The following PSMF1 variants were observed in gnomAD, a reference collection of about 807,000 sequenced individuals.
The protein encoded by PSMF1 is proteasome inhibitor PI31 subunit.
Under a neutral mutation model 29.3 loss-of-function variants are expected in PSMF1, and 30 were observed. The observed-to-expected ratio is 1.02, with a 90% confidence interval of 0.77 to 1.39. The LOEUF (loss-of-function observed/expected upper bound fraction) is 1.39, where lower values mean the gene tolerates loss of function less well. PSMF1 is among the 40% of genes most tolerant of loss of function. PSMF1 has a pLI of 0.00. For missense variants in PSMF1, 344 were observed against 357.5 expected, an observed-to-expected ratio of 0.96 and a Z score of 0.31; for synonymous variants, 134 against 139.7, an observed-to-expected ratio of 0.96 and a Z score of 0.29.
At chr20:1,115,369 GCTGT>G (rs1364617650), upstream of PSMF1, among the ~76,000 whole-genome samples, 2 of 152,208 alleles carry the variant, frequency 1.3e-5, no homozygotes, top group African/African-American at 4.8e-5. Flanking sequence ...GGGTGACGGA[GCTGT>G]CTGCCCTGGT....
At position 1,118,812 on chromosome 20, in the gene PSMF1, G is replaced by T; in HGVS notation, c.39G>T (p.Pro13=). 3 of 1,613,592 alleles carry T rather than the reference G, an allele frequency of 1.9e-6. No individual in the cohort carries two copies. Among genetic ancestry groups the T allele is most frequent in the Non-Finnish European group, 2.5e-6 (3 of 1,179,716 alleles). ...GLEVLFASAA[P]AITCRQDALV... ...AGGTACTGTTCGCATCGGCAGCGCCGGCCATCACCTGCAGGCAGGACGCGC... is the reference window on the plus strand; with the variant it reads ...AGGTACTGTTCGCATCGGCAGCGCCTGCCATCACCTGCAGGCAGGACGCGC... Residue 13 remains proline, a synonymous_variant, in exon 1 of 7, where the codon CCG becomes CCT. Coordinates refer to ENST00000335877, the MANE Select transcript of PSMF1 (RefSeq NM_006814.5).
intron 2 of PSMF1, 116 bp downstream of exon 2, chr20:1,125,766 G>C: frequency 7.4e-7 from 1 of 1,346,950 alleles, no homozygotes; most frequent in Non-Finnish European, 1.0e-6. Flanking sequence ...CTTACCTAGT[G>C]ATCCCACTTC....
At chr20:1,133,620 A>C (rs1241190814) in intron 3 of PSMF1, among the ~76,000 whole-genome samples, 1 of 121,224 alleles carries the variant, frequency 8.2e-6, no homozygotes, top group Non-Finnish European at 1.7e-5. Context: ...TACCAGAGTA[A>C]TACTGGTCTC....
At chr20:1,148,895 T>C (rs2086490070) in intron 4 of PSMF1, among the ~76,000 whole-genome samples, 1 of 152,230 alleles carries the variant, frequency 6.6e-6, no homozygotes, top group African/African-American at 2.4e-5. Flanking sequence ...TGTAGCAATA[T>C]TTACTGCATT....
In PSMF1 at chr20:1,171,967, G is replaced by A. The variant is rs755235808; in HGVS notation, c.*6887G>A. ...TGGCCCAGGGGCCCTTGGCCATGGT[G>A]GCCTTGGACAAGTTTGGCTTTCCCC... On this transcript the variant is annotated 3_prime_UTR_variant, in exon 7 of 7. Coordinates refer to ENST00000335877, the MANE Select transcript of PSMF1 (RefSeq NM_006814.5). Among the ~76,000 whole-genome samples, 3 of 152,232 alleles carry A rather than the reference G, an allele frequency of 2.0e-5. No individual in the cohort carries two copies. Among genetic ancestry groups the A allele is most frequent in the Non-Finnish European group, 4.4e-5 (3 of 68,034 alleles).
At chr20:1,134,965 G>A (rs190925164) in intron 3 of PSMF1, 156 bp from the exon 4 acceptor site, 1 of 750,834 alleles carries the variant, frequency 1.3e-6, no homozygotes, top group Middle Eastern at 2.2e-4. Context: ...CCCTCACCCA[G>A]GTCCAGCAGG....
intron 1 of PSMF1, among the ~76,000 whole-genome samples, chr20:1,121,435 A>G (rs2086086281): frequency 6.6e-6 from 1 of 152,060 alleles, no homozygotes; most frequent in African/African-American, 2.4e-5. Context: ...CTCAGGTTGC[A>G]CTTGTCCTTC....
chr20:1,146,275 A>C (rs962609510), intron 4 of PSMF1, among the ~76,000 whole-genome samples: 2 of 151,624 alleles, frequency 1.3e-5, no homozygotes, highest in African/African-American at 2.4e-5. Context: ...ATGTGTCTGA[A>C]TTACTACGTA....
chr20:1,153,744 C>A (rs976485489), intron 4 of PSMF1, among the ~76,000 whole-genome samples: 2 of 152,144 alleles, frequency 1.3e-5, no homozygotes, highest in African/African-American at 4.8e-5. Flanking sequence ...TCAACTCAGT[C>A]TAAAATCTTA....
intron 4 of PSMF1, among the ~76,000 whole-genome samples, chr20:1,162,921 A>G (rs1054840433): frequency 3.3e-5 from 5 of 152,124 alleles, no homozygotes; most frequent in African/African-American, 1.2e-4. Flanking sequence ...ATTTTAATCT[A>G]TGTTTTTAGG....
rs778112172 is a variant in PSMF1, at chr20:1,127,436, C to T, written c.293C>T (p.Ser98Leu). 15 of 1,603,720 alleles carry T rather than the reference C, an allele frequency of 9.4e-6. No individual in the cohort carries two copies. The South Asian group carries it at 1.4e-4, about 15-fold the overall frequency. The change falls in exon 3 of 7, where the codon TCA becomes TTA. Residue 98 changes from serine (S) to leucine (L), a missense_variant. Physicochemically the swap from Ser to Leu is moderately radical, Grantham distance 145. Transcript: ENST00000335877. ...TTTTCACCCATCTAGGAATATGGCT[C>T]ACAGCAAGTGGCAGACTTGACCCTG... ...SMILNVLEYG[S>L]QQVADLTLNL...
chr20:1,138,946 C>T (rs1175302162), intron 4 of PSMF1, among the ~76,000 whole-genome samples: 1 of 152,168 alleles, frequency 6.6e-6, no homozygotes, highest in African/African-American at 2.4e-5. Context: ...GAGGCCAAGG[C>T]AGGTGGATTA....
At chr20:1,125,821 C>G (rs965233153) in intron 2 of PSMF1, 171 bp downstream of exon 2, 1 of 901,604 alleles carries the variant, frequency 1.1e-6, no homozygotes, top group Non-Finnish European at 1.8e-6. Flanking sequence ...AGAAAACCTT[C>G]GTGCACAAAG....
chr20:1,161,105 G>C, intron 4 of PSMF1: 2 of 464,726 alleles, frequency 4.3e-6, no homozygotes, highest in East Asian at 1.2e-4. Context: ...GCCATCCTGC[G>C]TCTGGACCTG....
intron 3 of PSMF1, among the ~76,000 whole-genome samples, chr20:1,128,076 G>A (rs567399316): frequency 1.3e-5 from 2 of 152,282 alleles, no homozygotes; most frequent in South Asian, 2.1e-4. Flanking sequence ...TTGACAAACA[G>A]ATGAGAATGT....
chr20:1,123,310 C>T (rs889835405), intron 1 of PSMF1, among the ~76,000 whole-genome samples: 2 of 152,136 alleles, frequency 1.3e-5, no homozygotes, highest in African/African-American at 4.8e-5. Flanking sequence ...TGAAGTTTTG[C>T]TTTGCTGGAC....
chr20:1,159,238 A>T (rs573139699), intron 4 of PSMF1, among the ~76,000 whole-genome samples: 13 of 152,100 alleles, frequency 8.5e-5, no homozygotes, highest in African/African-American at 3.1e-4. Flanking sequence ...TGGGGGTCTC[A>T]TTATGTTGCC....
At chr20:1,153,861 C>T (rs1208622024) in intron 4 of PSMF1, among the ~76,000 whole-genome samples, 2 of 152,090 alleles carry the variant, frequency 1.3e-5, no homozygotes, top group Non-Finnish European at 2.9e-5. Flanking sequence ...GAAACAAGTT[C>T]TTTGTTCCCA....
chr20:1,136,102 T>G (rs2086302413), intron 4 of PSMF1, among the ~76,000 whole-genome samples: 1 of 152,260 alleles, frequency 6.6e-6, no homozygotes, highest in Non-Finnish European at 1.5e-5. Context: ...TCAGTTTAAT[T>G]ATTCCAAGTA....
Sources: allele counts gnomAD v4.1 joint callset (sites outside exome capture counted in the v4.1 genomes callset), GRCh38; gene constraint gnomAD v4.1.1; transcripts MANE v1.5; gene names NCBI Gene and HGNC (gene_info 2026-07-23, HGNC 2026-07-21).